Variants in MYO3B observed in about 807,000 individuals in gnomAD.
MYO3B encodes myosin-IIIb.
A neutral mutation model predicts 174.6 loss-of-function variants in MYO3B; 156 were observed. The ratio of observed to expected loss-of-function variants is 0.89; its 90% CI spans 0.78 to 1.02. MYO3B has a LOEUF of 1.02. Among genes scored for constraint, MYO3B ranks in the 50% least tolerant of loss-of-function variants. The pLI is 0.00. For synonymous variants in MYO3B, 563 were observed against 569.1 expected, an observed-to-expected ratio of 0.99 and a Z score of 0.15; for missense variants, 1,632 against 1,639.4, an observed-to-expected ratio of 1.00 and a Z score of 0.08.
At chr2:170,635,692 C>A (rs951270548) in intron 32 of MYO3B, among the ~76,000 whole-genome samples, 1 of 152,060 alleles carries the variant, frequency 6.6e-6, no homozygotes, top group Non-Finnish European at 1.5e-5. Flanking sequence ...CATTATAGGG[C>A]ATCTCTGTTC....
At chr2:170,289,797 T>C (rs2093583758) in intron 7 of MYO3B, among the ~76,000 whole-genome samples, 1 of 152,104 alleles carries the variant, frequency 6.6e-6, no homozygotes, top group Admixed American at 6.6e-5. Context: ...GGTTGTTTAT[T>C]TGAAGTCTTT....
chr2:170,227,387 C>A (rs922722820), intron 6 of MYO3B, among the ~76,000 whole-genome samples: 4 of 152,136 alleles, frequency 2.6e-5, no homozygotes, highest in Non-Finnish European at 5.9e-5. Context: ...AGGTCTCAAG[C>A]GATTCTTGTG....
chr2:170,551,350 T>TTTATG (rs1317408306), intron 32 of MYO3B, among the ~76,000 whole-genome samples: 3 of 98,194 alleles, frequency 3.1e-5, no homozygotes, highest in Non-Finnish European at 7.0e-5. Context: ...TTTAATTTAA[T>TTTATG]TATTTATTTA....
At chr2:170,429,357 C>G (rs2094690823) in intron 22 of MYO3B, among the ~76,000 whole-genome samples, 1 of 152,160 alleles carries the variant, frequency 6.6e-6, no homozygotes, top group African/African-American at 2.4e-5. Flanking sequence ...AACCATCCAC[C>G]TTTGGCCACA....
At chr2:170,293,935 A>T (rs945829102) in intron 7 of MYO3B, among the ~76,000 whole-genome samples, 1 of 151,916 alleles carries the variant, frequency 6.6e-6, no homozygotes, top group African/African-American at 2.4e-5. Context: ...AGGGAAAAAA[A>T]TGATAAATTC....
chr2:170,315,017 G>A (rs1455961613), intron 7 of MYO3B, among the ~76,000 whole-genome samples: 3 of 152,152 alleles, frequency 2.0e-5, no homozygotes, highest in African/African-American at 4.8e-5. Context: ...GGGTGATTAC[G>A]GACCCAATTG....
At chr2:170,606,417 G>A (rs1407372475) in intron 32 of MYO3B, among the ~76,000 whole-genome samples, 1 of 152,118 alleles carries the variant, frequency 6.6e-6, no homozygotes, top group African/African-American at 2.4e-5. Context: ...CATTCTTCAG[G>A]CCTCAACCAT....
chr2:170,649,260 A>G (rs1232579679), intron 32 of MYO3B, among the ~76,000 whole-genome samples: 1 of 64,830 alleles, frequency 1.5e-5, no homozygotes, highest in African/African-American at 1.1e-4. Flanking sequence ...AAAATAATAT[A>G]TAATATATTA....
chr2:170,542,898 C>G lies in MYO3B; in HGVS notation c.3576-8C>G. 6.3e-7 allele frequency: 1 copy of G among 1,590,704 alleles called. No homozygotes were observed. Among genetic ancestry groups the G allele is most frequent in the South Asian group, 1.2e-5 (1 of 85,166 alleles). On this transcript the variant is annotated splice_polypyrimidine_tract_variant and splice_region_variant and intron_variant, in intron 30 of 34. Coordinates refer to ENST00000408978, the MANE Select transcript of MYO3B (RefSeq NM_138995.5). ...CTTTTAAAATTATTATTATTGTTAT[C>G]TTTTCAGGCATTCACAAGCCCAGAG...
chr2:170,547,329 C>CAA (rs549507676), intron 32 of MYO3B, among the ~76,000 whole-genome samples: 3 of 99,872 alleles, frequency 3.0e-5, no homozygotes, highest in Non-Finnish European at 4.2e-5. Context: ...GACTCTGTCT[C>CAA]AAAAAAAAAA....
Position 170,648,942 on chromosome 2 carries a change from TATATATAAAATAATATATAATGTATA to T in MYO3B, c.3734-2607_3734-2582del, listed in dbSNP as rs1254448598. Among the ~76,000 whole-genome samples the T allele has an allele frequency of 2.2e-3, 160 of 71,970 alleles. 11 individuals carry two copies. The highest frequency in any genetic ancestry group is 0.017 in the Middle Eastern group (1 of 58). 47.2% of individuals were successfully genotyped at this position (71,970 alleles called of 152,430 possible). On this transcript the variant is annotated intron_variant, in intron 32 of 34. Transcript: ENST00000408978. ...AATATATATAAAATATGATATATAA[TATATATAAAATAATATATAATGTATA>T]ATATATAAAATAATATATAATGTAT...
intron 7 of MYO3B, among the ~76,000 whole-genome samples, chr2:170,331,109 T>C (rs2093909028): frequency 6.6e-6 from 1 of 152,194 alleles, no homozygotes; most frequent in East Asian, 1.9e-4. Flanking sequence ...CCCTGAGGCA[T>C]GAAAGAATAG....
intron 32 of MYO3B, among the ~76,000 whole-genome samples, chr2:170,623,719 A>C (rs1445386701): frequency 6.6e-6 from 1 of 152,230 alleles, no homozygotes; most frequent in Non-Finnish European, 1.5e-5. Context: ...CTAACATTTA[A>C]GTTTTTAATC....
chr2:170,622,897 G>T (rs1220562977), intron 32 of MYO3B, among the ~76,000 whole-genome samples: 2 of 152,256 alleles, frequency 1.3e-5, no homozygotes, highest in Middle Eastern at 3.4e-3. Flanking sequence ...ACAAAGGACA[G>T]GAACTCATCA....
chr2:170,296,467 T>G (rs1169410338), intron 7 of MYO3B, among the ~76,000 whole-genome samples: 1 of 152,174 alleles, frequency 6.6e-6, no homozygotes, highest in African/African-American at 2.4e-5. Context: ...GACGTCTCCA[T>G]GTCAATTCAG....
At chr2:170,266,655 CTAGGGGTCTATAGTGAGTTCA>C (rs1341291255) in intron 7 of MYO3B, among the ~76,000 whole-genome samples, 1 of 152,160 alleles carries the variant, frequency 6.6e-6, no homozygotes, top group Non-Finnish European at 1.5e-5. Flanking sequence ...GTCACAATAC[CTAGGGGTCTATAGTGAGTTCA>C]TACCTCTTAG....
chr2:170,262,279 A>G (rs2093351144), intron 7 of MYO3B, among the ~76,000 whole-genome samples: 1 of 152,208 alleles, frequency 6.6e-6, no homozygotes, highest in Middle Eastern at 3.2e-3. Flanking sequence ...AAGTGGGTCC[A>G]GGTCTGGAGT....
Position 170,450,301 on chromosome 2 carries a change from C to T in MYO3B, c.2730+6255C>T, listed in dbSNP as rs548647418. ...TTTTGCACTTTAGGGGACCTAATATCTAAAAGATTAATTAGGTCAGAAAAA... is the reference window on the plus strand; with the variant it reads ...TTTTGCACTTTAGGGGACCTAATATTTAAAAGATTAATTAGGTCAGAAAAA... On this transcript the variant is annotated intron_variant, in intron 23 of 34. Transcript: ENST00000408978. Among the ~76,000 whole-genome samples, 9 of 152,254 alleles carry T rather than the reference C, an allele frequency of 5.9e-5. No homozygotes were observed. The East Asian group carries it at 1.5e-3, about 26-fold the overall frequency.
intron 22 of MYO3B, among the ~76,000 whole-genome samples, chr2:170,428,610 T>C (rs768378590): frequency 7.9e-5 from 12 of 152,238 alleles, no homozygotes; most frequent in Non-Finnish European, 1.5e-4. Context: ...AGCTCACACA[T>C]GTCCTGGCCA....
Sources: allele counts gnomAD v4.1 joint callset (sites outside exome capture counted in the v4.1 genomes callset), GRCh38; gene constraint gnomAD v4.1.1; transcripts MANE v1.5; gene names NCBI Gene and HGNC (gene_info 2026-07-23, HGNC 2026-07-21).